Variants in USH2A observed in about 807,000 individuals in gnomAD.
USH2A encodes the protein usherin, also known as Usher syndrome 2A (autosomal recessive, mild).
In USH2A, 443 loss-of-function variants were observed where a neutral mutation model predicts 538.9. The ratio of observed to expected loss-of-function variants is 0.82; its 90% confidence interval spans 0.76 to 0.89. The LOEUF (loss-of-function observed/expected upper bound fraction) is 0.89. USH2A is among the 40% of genes least tolerant of loss of function. USH2A has a pLI of 0.00. For synonymous variants in USH2A, 2,413 were observed against 2,273.5 expected, an observed-to-expected ratio of 1.06 and a Z score of -1.75; for missense variants, 6,633 against 6,324.8, an observed-to-expected ratio of 1.05 and a Z score of -1.65.
intron 61 of USH2A, among the ~76,000 whole-genome samples, chr1:215,716,454 C>T (rs1266490130): frequency 6.6e-6 from 1 of 152,194 alleles, no homozygotes; most frequent in East Asian, 1.9e-4. Context: ...TAAAAAAACA[C>T]AGAACCAGCC....
chr1:215,652,203 T>C (rs1330312032), intron 64 of USH2A, among the ~76,000 whole-genome samples: 3 of 152,216 alleles, frequency 2.0e-5, no homozygotes, highest in Non-Finnish European at 4.4e-5. Flanking sequence ...GTGAGGAAAT[T>C]GAGCCTCAGA....
chr1:216,069,044 G>A (rs1228900765), intron 30 of USH2A, among the ~76,000 whole-genome samples: 1 of 152,090 alleles, frequency 6.6e-6, no homozygotes, highest in Non-Finnish European at 1.5e-5. Context: ...ATGGGGGAAG[G>A]AGCTATTCTG....
intron 60 of USH2A, among the ~76,000 whole-genome samples, chr1:215,739,316 C>T (rs1011571359): frequency 6.6e-6 from 1 of 152,270 alleles, no homozygotes; most frequent in African/African-American, 2.4e-5. Flanking sequence ...TAATCAGATG[C>T]CATCAAATGC....
intron 2 of USH2A, among the ~76,000 whole-genome samples, chr1:216,420,640 G>A (rs568841709): frequency 2.0e-5 from 3 of 152,184 alleles, no homozygotes; most frequent in Admixed American, 2.0e-4. Context: ...GTCCCTACAA[G>A]CTCAGAAGGA....
At chr1:215,639,366 A>G (rs1395407867) in intron 68 of USH2A, 128 bp from the exon 69 acceptor site, 2 of 854,314 alleles carry the variant, frequency 2.3e-6, no homozygotes. Context: ...GACGTTTTAT[A>G]TAATATTCAA....
chr1:215,644,453 G>C (rs761605329), intron 67 of USH2A, among the ~76,000 whole-genome samples: 7 of 152,156 alleles, frequency 4.6e-5, no homozygotes, highest in African/African-American at 1.7e-4. Flanking sequence ...GAGGAGGAAA[G>C]GAGGGAGTAG....
chr1:216,354,677 T>C (rs1010076899), intron 4 of USH2A, among the ~76,000 whole-genome samples: 36 of 151,916 alleles, frequency 2.4e-4, no homozygotes, highest in African/African-American at 8.2e-4. Context: ...AAATAGAAAG[T>C]ATCCAAACTG....
chr1:216,058,135 GTCCAT>G (rs2031045844), intron 30 of USH2A, among the ~76,000 whole-genome samples: 1 of 150,536 alleles, frequency 6.6e-6, no homozygotes, highest in Admixed American at 6.6e-5. Context: ...TAGAAGCCTT[GTCCAT>G]AAGGATGACA....
intron 20 of USH2A, among the ~76,000 whole-genome samples, chr1:216,176,791 C>A (rs1282287713): frequency 6.6e-6 from 1 of 152,140 alleles, no homozygotes; most frequent in African/African-American, 2.4e-5. Flanking sequence ...TAGTTGGAAT[C>A]ATAAAGCATG....
At chr1:215,879,718 C>T (rs1425155754) in intron 41 of USH2A, among the ~76,000 whole-genome samples, 1 of 152,158 alleles carries the variant, frequency 6.6e-6, no homozygotes, top group Non-Finnish European at 1.5e-5. Context: ...GATGTTTGTG[C>T]TTAGCTAACA....
intron 21 of USH2A, among the ~76,000 whole-genome samples, chr1:216,161,501 A>G (rs557303243): frequency 7.9e-5 from 12 of 152,200 alleles, no homozygotes; most frequent in African/African-American, 2.9e-4. Flanking sequence ...GTGACAAAAT[A>G]ATTGATGTCA....
chr1:215,914,105 G>GA (rs773629456), intron 38 of USH2A, among the ~76,000 whole-genome samples: 1 of 119,018 alleles, frequency 8.4e-6, no homozygotes. Flanking sequence ...ACAGAGTCTC[G>GA]CTCTGTCACC....
intron 42 of USH2A, among the ~76,000 whole-genome samples, chr1:215,878,464 G>A (rs1664828783): frequency 6.6e-6 from 1 of 152,066 alleles, no homozygotes; most frequent in Non-Finnish European, 1.5e-5. Flanking sequence ...ACCTACATCA[G>A]GTTTGCCTAA....
chr1:216,270,606 T>C (rs2036555825), intron 11 of USH2A, among the ~76,000 whole-genome samples: 1 of 152,140 alleles, frequency 6.6e-6, no homozygotes. Context: ...TCTTTCAGAA[T>C]TGCCATCACT....
intron 38 of USH2A, among the ~76,000 whole-genome samples, chr1:215,905,669 G>T (rs1665622574): frequency 6.6e-6 from 1 of 152,004 alleles, no homozygotes; most frequent in Admixed American, 6.6e-5. Flanking sequence ...TGCCCTGGGG[G>T]TACTATCAGT....
intron 9 of USH2A, among the ~76,000 whole-genome samples, chr1:216,298,987 C>T (rs562427051): frequency 3.3e-5 from 5 of 152,184 alleles, no homozygotes; most frequent in African/African-American, 9.6e-5. Flanking sequence ...ACTACAGGCA[C>T]CTGCCACCAC....
At chr1:215,995,830 G>T (rs1225622012) in intron 34 of USH2A, among the ~76,000 whole-genome samples, 1 of 152,036 alleles carries the variant, frequency 6.6e-6, no homozygotes, top group Non-Finnish European at 1.5e-5. Context: ...TTCAATTTTG[G>T]TACAATAAAA....
At chr1:215,836,559 A>T (rs1253696475) in intron 47 of USH2A, among the ~76,000 whole-genome samples, 1,900 of 18,970 alleles carry the variant, frequency 0.1, 248 homozygotes, top group African/African-American at 0.14. Flanking sequence ...ATATATATAT[A>T]TATATATTTT....
chr1:216,137,862 T>C (rs539074518), intron 21 of USH2A, among the ~76,000 whole-genome samples: 1 of 152,308 alleles, frequency 6.6e-6, no homozygotes, highest in East Asian at 1.9e-4. Context: ...CACAGTTTAA[T>C]AGAGCGATCT....
Sources: allele counts gnomAD v4.1 joint callset (sites outside exome capture counted in the v4.1 genomes callset), GRCh38; gene constraint gnomAD v4.1.1; transcripts MANE v1.5; gene names NCBI Gene and HGNC (gene_info 2026-07-23, HGNC 2026-07-21).